The following LTBP1 variants were observed in gnomAD, a reference collection of about 807,000 sequenced individuals.
LTBP1 encodes the protein latent-transforming growth factor beta-binding protein 1.
In LTBP1, 129 loss-of-function variants were observed where a neutral mutation model predicts 207.6. That is an observed-to-expected ratio of 0.62 (90% CI 0.54 to 0.72). LTBP1 has a LOEUF of 0.72. Among genes scored for constraint, LTBP1 ranks in the 30% least tolerant of loss-of-function variants. The pLI is 0.00. For synonymous variants in LTBP1, 963 were observed against 833.7 expected, an observed-to-expected ratio of 1.16 and a Z score of -2.67; for missense variants, 2,281 against 2,217.2, an observed-to-expected ratio of 1.03 and a Z score of -0.58.
intron 3 of LTBP1, among the ~76,000 whole-genome samples, chr2:33,046,927 T>C (rs1165738773): frequency 6.6e-6 from 1 of 152,194 alleles, no homozygotes; most frequent in Non-Finnish European, 1.5e-5. Flanking sequence ...TCTCTGATGG[T>C]AGTTTGTATT....
chr2:33,186,465 C>T (rs1313090683), intron 5 of LTBP1, among the ~76,000 whole-genome samples: 2 of 152,040 alleles, frequency 1.3e-5, no homozygotes, highest in African/African-American at 4.8e-5. Flanking sequence ...ATACATACCC[C>T]TTGTTCTCGA....
chr2:33,175,481 A>G (rs887071345), intron 5 of LTBP1, among the ~76,000 whole-genome samples: 4 of 152,094 alleles, frequency 2.6e-5, no homozygotes, highest in African/African-American at 9.7e-5. Flanking sequence ...TTAGAATGGC[A>G]ATCATTAAAA....
intron 10 of LTBP1, among the ~76,000 whole-genome samples, chr2:33,248,673 G>A (rs891459863): frequency 2.0e-5 from 3 of 149,818 alleles, no homozygotes; most frequent in Non-Finnish European, 4.4e-5. Flanking sequence ...TGCAACTTCC[G>A]CCTCCTGGGT....
intron 21 of LTBP1, 88 bp downstream of exon 21, chr2:33,300,661 T>G (rs2093972791): frequency 7.3e-7 from 1 of 1,364,902 alleles, no homozygotes; most frequent in Admixed American, 2.5e-5. Flanking sequence ...AGTTTACCTT[T>G]TAAAAATTAC....
chr2:32,974,416 C>T (rs1200860036), intron 2 of LTBP1, among the ~76,000 whole-genome samples: 2 of 152,102 alleles, frequency 1.3e-5, no homozygotes, highest in African/African-American at 4.8e-5. Flanking sequence ...GTCTTTTGCC[C>T]ATTTTCGATG....
At chr2:33,269,944 A>G (rs1440329772) in intron 15 of LTBP1, among the ~76,000 whole-genome samples, 1 of 143,182 alleles carries the variant, frequency 7.0e-6, no homozygotes, top group Non-Finnish European at 1.5e-5. Context: ...CCAGTAATTT[A>G]TTTTTTTACC....
chr2:32,953,793 T>G (rs1420544272), intron 2 of LTBP1, among the ~76,000 whole-genome samples: 2 of 152,168 alleles, frequency 1.3e-5, no homozygotes, highest in African/African-American at 2.4e-5. Flanking sequence ...TGTTATTTGT[T>G]GTCTTGGATA....
At chr2:33,270,345 T>C (rs1413952353) in intron 15 of LTBP1, among the ~76,000 whole-genome samples, 1 of 151,944 alleles carries the variant, frequency 6.6e-6, no homozygotes, top group African/African-American at 2.4e-5. Context: ...ATCCCAGCAC[T>C]TGGGGAGGCT....
At chr2:33,257,213 A>G (rs2092887619) in intron 11 of LTBP1, 71 bp from the exon 12 acceptor site, 1 of 1,132,816 alleles carries the variant, frequency 8.8e-7, no homozygotes, top group Non-Finnish European at 1.3e-6. Context: ...GCTATTCATC[A>G]TGATATTTTC....
At chr2:33,103,327 C>T (rs218218) in intron 3 of LTBP1, among the ~76,000 whole-genome samples, 99,779 of 150,966 alleles carry the variant, frequency 0.66, 34,112 homozygotes, top group South Asian at 0.79. Context: ...GTCTTTATGC[C>T]GTATGCATTG....
At chr2:33,394,710 T>G (rs2095343906) in intron 32 of LTBP1, among the ~76,000 whole-genome samples, 1 of 152,220 alleles carries the variant, frequency 6.6e-6, no homozygotes, top group Non-Finnish European at 1.5e-5. Flanking sequence ...TACTGTAGCC[T>G]TGTAGTATAG....
Position 33,273,725 on chromosome 2 carries a change from A to T in LTBP1, c.2687A>T (p.Tyr896Phe), listed in dbSNP as rs751702463. Residue 896 changes from tyrosine (Y) to phenylalanine (F), a missense_variant, in exon 16 of 34, where the codon TAT becomes TTT. Coordinates refer to ENST00000404816, the MANE Select transcript of LTBP1 (RefSeq NM_206943.4). Reference protein sequence around the residue: ...AGHCINLPVRYTCICYEGYRF... With the variant: ...AGHCINLPVRFTCICYEGYRF... ...CACTGCATTAACCTACCAGTGAGAT[A>T]TACCTGTATATGCTACGAGGGCTAC... 3 of 1,611,764 alleles carry T rather than the reference A, an allele frequency of 1.9e-6. No individual in the cohort carries two copies. In the South Asian group the frequency reaches 3.3e-5, roughly 18 times the overall value.
At chr2:33,248,925 A>G (rs1403877401) in intron 10 of LTBP1, among the ~76,000 whole-genome samples, 3 of 152,156 alleles carry the variant, frequency 2.0e-5, no homozygotes, top group Non-Finnish European at 2.9e-5. Context: ...CAGAGTGCCC[A>G]GTGGTTCTTA....
chr2:33,347,283 C>T, intron 25 of LTBP1, 84 bp from the exon 26 acceptor site: 1 of 1,521,784 alleles, frequency 6.6e-7, no homozygotes, highest in Non-Finnish European at 9.1e-7. Context: ...CAGCAAGACA[C>T]TATTAGCCCT....
chr2:32,974,629 A>G (rs1221298111), intron 2 of LTBP1, among the ~76,000 whole-genome samples: 1 of 151,806 alleles, frequency 6.6e-6, no homozygotes, highest in Non-Finnish European at 1.5e-5. Flanking sequence ...CTTTTAGGGT[A>G]TTGCTCTTTG....
At chr2:33,135,461 G>A (rs1192093795) in intron 5 of LTBP1, among the ~76,000 whole-genome samples, 1 of 152,170 alleles carries the variant, frequency 6.6e-6, no homozygotes. Flanking sequence ...AGGATACAGA[G>A]TTGCATCTTT....
intron 31 of LTBP1, among the ~76,000 whole-genome samples, chr2:33,383,001 A>G (rs1435794260): frequency 1.3e-5 from 2 of 152,150 alleles, no homozygotes; most frequent in Non-Finnish European, 2.9e-5. Context: ...ACAGAGTGGA[A>G]TGTTCTGTAA....
chr2:33,357,743 C>G (rs1254279980), intron 26 of LTBP1, among the ~76,000 whole-genome samples: 1 of 152,206 alleles, frequency 6.6e-6, no homozygotes, highest in Non-Finnish European at 1.5e-5. Flanking sequence ...AAAACTTAAT[C>G]TGAAAATACT....
intron 2 of LTBP1, among the ~76,000 whole-genome samples, chr2:32,963,730 C>G (rs1270291378): frequency 2.6e-5 from 4 of 152,150 alleles, no homozygotes; most frequent in Non-Finnish European, 5.9e-5. Flanking sequence ...TACAACAGAA[C>G]CCCTGTGGGA....
Sources: gnomAD v4.1 joint callset for allele counts (sites outside exome capture counted in the v4.1 genomes callset) on GRCh38, gnomAD v4.1.1 for gene constraint, MANE v1.5 for transcripts, NCBI Gene and HGNC (gene_info 2026-07-23, HGNC 2026-07-21) for gene names.